ZMYND12: variants seen among roughly 807,000 people sequenced by gnomAD.
ZMYND12 encodes zinc finger MYND domain-containing protein 12.
A neutral mutation model predicts 41.7 loss-of-function variants in ZMYND12; 32 were observed. That is an observed-to-expected ratio of 0.77 (90% CI 0.58 to 1.03). The LOEUF is 1.03. Among genes scored for constraint, ZMYND12 ranks in the 50% least tolerant of loss-of-function variants. The pLI is 0.00. For missense variants in ZMYND12, 424 were observed against 438.5 expected (o/e 0.97, Z 0.30); for synonymous variants, 148 against 164.8 (o/e 0.90, Z 0.78).
intron 6 of ZMYND12, 57 bp from the exon 7 acceptor site, chr1:42,433,345 A>G: frequency 1.3e-6 from 2 of 1,527,094 alleles, no homozygotes; most frequent in South Asian, 1.4e-5. Context: ...GTCTGCCCTC[A>G]TCAAAAGCAC....
intron 3 of ZMYND12, among the ~76,000 whole-genome samples, chr1:42,443,570 A>G (rs1570352232): frequency 6.6e-6 from 1 of 152,178 alleles, no homozygotes; most frequent in East Asian, 1.9e-4. Flanking sequence ...GTCACAGCTG[A>G]GTCAAAGGTT....
At chr1:42,454,680 C>T (rs1268077001) in intron 1 of ZMYND12, among the ~76,000 whole-genome samples, 2 of 151,552 alleles carry the variant, frequency 1.3e-5, no homozygotes, top group African/African-American at 4.8e-5. Context: ...TAAACTTCTA[C>T]TACCTATCAC....
chr1:42,434,517 C>G (rs544880819), intron 6 of ZMYND12, among the ~76,000 whole-genome samples: 1 of 152,032 alleles, frequency 6.6e-6, no homozygotes, highest in Non-Finnish European at 1.5e-5. Flanking sequence ...GTGGTAGGGG[C>G]GAGTAAAGCT....
intron 4 of ZMYND12, among the ~76,000 whole-genome samples, chr1:42,436,792 G>T (rs901749490): frequency 1.1e-4 from 16 of 151,566 alleles, no homozygotes; most frequent in Non-Finnish European, 2.1e-4. Context: ...ATCTAGGATG[G>T]CTAGAATCAA....
Position 42,433,267 on chromosome 1 carries a change from G to C in ZMYND12, c.851C>G (p.Ala284Gly). 7 of 1,608,800 alleles carry C rather than the reference G, an allele frequency of 4.4e-6. No individual in the cohort carries two copies. The highest frequency in any genetic ancestry group is 5.1e-6 in the Non-Finnish European group (6 of 1,178,534). Residue 284 changes from alanine (A) to glycine (G), a missense_variant, in exon 7 of 8, where the codon GCC becomes GGC. Ala to Gly is a moderately conservative substitution (Grantham distance 60). Transcript: ENST00000372565. ...CAAGATTGAAGTCAGGATGCGAATG[G>C]CTTCTGCTTCTTGGGCTTCATCTGC... ...TGLDEAQEAE[A>G]IRILTSILNI...
At chr1:42,431,231 G>A (rs187783445) in intron 7 of ZMYND12, among the ~76,000 whole-genome samples, 8 of 152,268 alleles carry the variant, frequency 5.3e-5, no homozygotes, top group Non-Finnish European at 1.0e-4. Flanking sequence ...ATGTGGCCCA[G>A]AGTTTTGACT....
intron 1 of ZMYND12, 31 bp downstream of exon 1, chr1:42,455,857 T>C (rs376787437): frequency 5.5e-5 from 85 of 1,542,928 alleles, no homozygotes; most frequent in East Asian, 2.5e-4. Context: ...GAGGGAGTTA[T>C]AGCGCCCAGG....
At chr1:42,452,735 T>C (rs907129069) in intron 1 of ZMYND12, among the ~76,000 whole-genome samples, 1 of 152,062 alleles carries the variant, frequency 6.6e-6, no homozygotes, top group Non-Finnish European at 1.5e-5. Flanking sequence ...AGTTCTACTG[T>C]GTCTCTAAAG....
At chr1:42,436,647 C>A (rs1351594740) in intron 4 of ZMYND12, 104 bp from the exon 5 acceptor site, 5 of 1,371,042 alleles carry the variant, frequency 3.6e-6, no homozygotes, top group African/African-American at 1.5e-5. Context: ...TTACAACATT[C>A]CAATTTAAAA....
chr1:42,434,125 T>A (rs1021271006), intron 6 of ZMYND12, among the ~76,000 whole-genome samples: 4 of 152,236 alleles, frequency 2.6e-5, no homozygotes, highest in Non-Finnish European at 5.9e-5. Flanking sequence ...TAACATAATT[T>A]GTACTCACAG....
intron 3 of ZMYND12, 43 bp downstream of exon 3, chr1:42,448,424 C>A: frequency 6.6e-7 from 1 of 1,503,896 alleles, no homozygotes; most frequent in South Asian, 1.3e-5. Context: ...CCAAACATAA[C>A]ACCACTTAAG....
chr1:42,440,662 CT>C, intron 3 of ZMYND12, among the ~76,000 whole-genome samples: 2 of 147,440 alleles, frequency 1.4e-5, no homozygotes, highest in Middle Eastern at 6.8e-3. Flanking sequence ...CTGGATTGTC[CT>C]TTTTTTGTTG....
rs1437690029 is a variant in ZMYND12 at position 42,443,952 on chromosome 1, T to C, written c.425-3927A>G. Among the ~76,000 whole-genome samples, 4 of 152,176 alleles carry C rather than the reference T, an allele frequency of 2.6e-5. No homozygotes were observed. In the East Asian group the frequency reaches 7.7e-4, roughly 29 times the overall value. On this transcript the variant is annotated intron_variant, in intron 3 of 7. Transcript: ENST00000372565. The stretch of plus-strand genomic sequence containing the variant: ...ATCCTAGCTCACTGCAGCCTCCACC[T>C]GCTGGGCTCAAGCAATCCTCCCACC...
intron 4 of ZMYND12, among the ~76,000 whole-genome samples, chr1:42,437,577 G>A (rs1279287556): frequency 1.1e-4 from 17 of 148,596 alleles, no homozygotes; most frequent in Admixed American, 7.4e-4. Context: ...GCAGTGGTGC[G>A]ATCTTGGCTC....
chr1:42,435,124 C>A (rs1017845548), intron 6 of ZMYND12, 150 bp downstream of exon 6: 3 of 633,702 alleles, frequency 4.7e-6, no homozygotes, highest in Non-Finnish European at 8.6e-6. Flanking sequence ...TCTTTGATCC[C>A]CGTGTCTCAG....
chr1:42,454,005 G>A (rs78374037), intron 1 of ZMYND12, among the ~76,000 whole-genome samples: 60 of 152,270 alleles, frequency 3.9e-4, no homozygotes, highest in African/African-American at 1.4e-3. Context: ...AAAGTATGAC[G>A]GGGAGTTGAG....
chr1:42,443,375 C>A (rs758860627), intron 3 of ZMYND12, among the ~76,000 whole-genome samples: 28 of 152,166 alleles, frequency 1.8e-4, no homozygotes, highest in Non-Finnish European at 1.0e-4. Flanking sequence ...GGAAGTGATA[C>A]TATCCCTTAG....
rs1223799049 is a variant in ZMYND12, at chr1:42,430,638, C to T, written c.*98G>A. On this transcript the variant is annotated 3_prime_UTR_variant, in exon 8 of 8. Coordinates refer to ENST00000372565, the MANE Select transcript of ZMYND12 (RefSeq NM_032257.5). Reference sequence around the variant, plus strand: ...TCCCAGGGGAAGAGGGTGGAAACTTCAGCAGTCTACAGTACCTCAAAGCAG... The same window carrying T: ...TCCCAGGGGAAGAGGGTGGAAACTTTAGCAGTCTACAGTACCTCAAAGCAG... The T allele has an allele frequency of 3.4e-6, 5 of 1,490,778 alleles. No individual in the cohort carries two copies. Among genetic ancestry groups the T allele is most frequent in the Admixed American group, 1.8e-5 (1 of 54,196 alleles). 92.3% of individuals were successfully genotyped at this position (1,490,778 alleles called of 1,614,324 possible). A position where few individuals can be genotyped will look rare whatever the true frequency, so the allele number is the denominator to read the frequency against.
At chr1:42,433,939 T>C (rs1642881190) in intron 6 of ZMYND12, among the ~76,000 whole-genome samples, 1 of 152,220 alleles carries the variant, frequency 6.6e-6, no homozygotes, top group South Asian at 2.1e-4. Flanking sequence ...TTGGCTATCT[T>C]TGGATATCTA....
Sources: gnomAD v4.1 joint callset for allele counts (sites outside exome capture counted in the v4.1 genomes callset) on GRCh38, gnomAD v4.1.1 for gene constraint, MANE v1.5 for transcripts, NCBI Gene and HGNC (gene_info 2026-07-23, HGNC 2026-07-21) for gene names.